The following RBMS3 variants were observed in gnomAD, a reference collection of about 807,000 sequenced individuals.
RBMS3 encodes RNA-binding motif, single-stranded-interacting protein 3.
In RBMS3, 27 loss-of-function variants were observed where a neutral mutation model predicts 66.8. That is an observed-to-expected ratio of 0.40 (90% CI 0.30 to 0.56). The LOEUF is 0.56. Ranked by LOEUF, RBMS3 falls within the 20% of genes least tolerant of loss-of-function variation. The pLI, the probability that RBMS3 is intolerant of heterozygous loss-of-function variation, is 0.40. For missense variants in RBMS3, 513 were observed against 549.5 expected (o/e 0.93, Z 0.66); for synonymous variants, 188 against 183.0 (o/e 1.03, Z -0.22).
chr3:29,554,760 G>C (rs2046289637), intron 3 of RBMS3, among the ~76,000 whole-genome samples: 1 of 152,150 alleles, frequency 6.6e-6, no homozygotes, highest in Admixed American at 6.5e-5. Context: ...GAAACTATGA[G>C]TCATCTGGTA....
chr3:29,995,368 C>T (rs368257455), intron 14 of RBMS3, among the ~76,000 whole-genome samples: 2 of 152,114 alleles, frequency 1.3e-5, no homozygotes, highest in African/African-American at 4.8e-5. Context: ...GAACTTCCCC[C>T]ATCTAGCAAG....
At chr3:29,653,475 G>A (rs941477911) in intron 4 of RBMS3, among the ~76,000 whole-genome samples, 16 of 152,026 alleles carry the variant, frequency 1.1e-4, no homozygotes, top group African/African-American at 3.9e-4. Flanking sequence ...TCTGAACCAT[G>A]TTTAACTGCC....
At position 29,627,561 on chromosome 3, in the gene RBMS3, G is replaced by A. The variant is rs114990559; in HGVS notation, c.399+40356G>A. ...AAAGCATTGTTTATATGTTAGCTTAGATACTACTTCCTCCAGGAAAGCATT... is the reference window on the plus strand; with the variant it reads ...AAAGCATTGTTTATATGTTAGCTTAAATACTACTTCCTCCAGGAAAGCATT... On this transcript the variant is annotated intron_variant, in intron 4 of 14. Coordinates refer to ENST00000383767, the MANE Select transcript of RBMS3 (RefSeq NM_001003793.3). Among the ~76,000 whole-genome samples the A allele has an allele frequency of 2.9e-3, 434 of 152,206 alleles. 3 individuals carry two copies. The highest frequency in any genetic ancestry group is 0.01 in the African/African-American group (420 of 41,540).
chr3:29,888,386 CT>C (rs2059922822), intron 8 of RBMS3, among the ~76,000 whole-genome samples: 1 of 151,662 alleles, frequency 6.6e-6, no homozygotes, highest in Non-Finnish European at 1.5e-5. Flanking sequence ...GGCATATTAT[CT>C]TTCCTCACTT....
chr3:29,913,008 C>G (rs1489649790), intron 10 of RBMS3, among the ~76,000 whole-genome samples: 1 of 151,794 alleles, frequency 6.6e-6, no homozygotes, highest in African/African-American at 2.4e-5. Context: ...CTGTTGAGTG[C>G]TTGAGAGGCA....
intron 2 of RBMS3, among the ~76,000 whole-genome samples, chr3:29,446,363 A>C (rs1360955254): frequency 6.6e-6 from 1 of 152,176 alleles, no homozygotes; most frequent in African/African-American, 2.4e-5. Context: ...TGTAATTTTA[A>C]GAGTCTTGTA....
intron 1 of RBMS3, among the ~76,000 whole-genome samples, chr3:29,340,591 C>T (rs561610747): frequency 2.0e-5 from 3 of 152,186 alleles, no homozygotes; most frequent in East Asian, 3.9e-4. Flanking sequence ...TGACAAAATG[C>T]CACATCTTTT....
At chr3:29,482,086 C>A (rs2043146796) in intron 2 of RBMS3, among the ~76,000 whole-genome samples, 1 of 152,082 alleles carries the variant, frequency 6.6e-6, no homozygotes, top group Admixed American at 6.5e-5. Flanking sequence ...CATCCTCTTT[C>A]TATATTAGTT....
At position 29,650,202 on chromosome 3, in the gene RBMS3, C is replaced by A. The variant is rs192649685; in HGVS notation, c.399+62997C>A. On this transcript the variant is annotated intron_variant, in intron 4 of 14. Coordinates refer to ENST00000383767, the MANE Select transcript of RBMS3 (RefSeq NM_001003793.3). ...AAACAGAAAAGAAAACACCCAGAAA[C>A]GAAGTGTATTTGAATTCTTTCTATG... Among the ~76,000 whole-genome samples the A allele has an allele frequency of 6.8e-4, 103 of 151,664 alleles. 1 individual carries two copies. Among genetic ancestry groups the A allele is most frequent in the Non-Finnish European group, 9.6e-4 (65 of 67,948 alleles).
chr3:29,504,490 TA>T (rs2044104758), intron 3 of RBMS3, among the ~76,000 whole-genome samples: 1 of 152,084 alleles, frequency 6.6e-6, no homozygotes, highest in Non-Finnish European at 1.5e-5. Flanking sequence ...AATTAAAAAT[TA>T]AAAAAGGTTC....
In RBMS3 at chr3:29,868,910, A is replaced by T. The variant is rs1014518490; in HGVS notation, c.690A>T (p.Arg230=). Residue 230 remains arginine (R), a synonymous_variant, in exon 7 of 15, where the codon CGA becomes CGT. Coordinates refer to ENST00000383767, the MANE Select transcript of RBMS3 (RefSeq NM_001003793.3). ...CKFADGGQKK[R]QNQSKYTQNG... is the part of the protein sequence containing the mutation. ...TCGCTGATGGAGGACAAAAGAAGCG[A>T]CAGAATCAAAGCAAATATACCCAGA... 1 of 1,605,224 alleles carries T rather than the reference A, an allele frequency of 6.2e-7. No individual in the cohort carries two copies. Among genetic ancestry groups the T allele is most frequent in the Non-Finnish European group, 8.5e-7 (1 of 1,175,312 alleles).
intron 6 of RBMS3, among the ~76,000 whole-genome samples, chr3:29,842,390 T>A (rs1201885042): frequency 6.6e-6 from 1 of 152,172 alleles, no homozygotes; most frequent in Non-Finnish European, 1.5e-5. Flanking sequence ...CATTTGAATA[T>A]GTGGCCATGT....
At chr3:29,523,152 C>T (rs2044932783) in intron 3 of RBMS3, among the ~76,000 whole-genome samples, 1 of 152,188 alleles carries the variant, frequency 6.6e-6, no homozygotes, top group Admixed American at 6.5e-5. Flanking sequence ...AATTCAAATC[C>T]AGACTACCTG....
At chr3:29,692,695 A>G (rs1206593613) in intron 4 of RBMS3, among the ~76,000 whole-genome samples, 1 of 152,196 alleles carries the variant, frequency 6.6e-6, no homozygotes, top group Non-Finnish European at 1.5e-5. Context: ...TGCAAAGCAC[A>G]TCGCAAATGT....
intron 4 of RBMS3, among the ~76,000 whole-genome samples, chr3:29,729,891 C>A (rs1316903681): frequency 6.6e-6 from 1 of 151,980 alleles, no homozygotes; most frequent in Non-Finnish European, 1.5e-5. Context: ...AGAATTATAA[C>A]CTCAGCTTTC....
At chr3:29,384,435 TAAGAAG>T (rs71628521) in intron 1 of RBMS3, among the ~76,000 whole-genome samples, 74 of 141,100 alleles carry the variant, frequency 5.2e-4, no homozygotes, top group Middle Eastern at 3.5e-3. Flanking sequence ...ATAATAATAA[TAAGAAG>T]AAGAAGAAGA....
chr3:29,494,635 C>A (rs77095233), intron 3 of RBMS3, among the ~76,000 whole-genome samples: 2,193 of 152,184 alleles, frequency 0.014, 47 homozygotes, highest in African/African-American at 0.05. Context: ...CTTTTGTTTT[C>A]CCCCATGTGT....
intron 6 of RBMS3, among the ~76,000 whole-genome samples, chr3:29,849,242 G>A (rs577086700): frequency 2.7e-4 from 41 of 151,162 alleles, no homozygotes; most frequent in Middle Eastern, 3.4e-3. Context: ...AATGTTGAGC[G>A]TAGTGGCTCC....
At chr3:29,416,801 G>T (rs2125694492) in intron 1 of RBMS3, among the ~76,000 whole-genome samples, 1 of 152,166 alleles carries the variant, frequency 6.6e-6, no homozygotes, top group Non-Finnish European at 1.5e-5. Context: ...GGAAGGATGT[G>T]GGAAGTAGAA....
Sources: allele counts gnomAD v4.1 joint callset (sites outside exome capture counted in the v4.1 genomes callset), GRCh38; gene constraint gnomAD v4.1.1; transcripts MANE v1.5; gene names NCBI Gene and HGNC (gene_info 2026-07-23, HGNC 2026-07-21).